The following CTNNA2 variants were observed in gnomAD, a reference collection of about 807,000 sequenced individuals.
CTNNA2 encodes the protein catenin alpha 2.
In CTNNA2, 42 loss-of-function variants were observed where a neutral mutation model predicts 101.0. The ratio of observed to expected loss-of-function variants is 0.42; its 90% CI spans 0.32 to 0.54. The LOEUF (loss-of-function observed/expected upper bound fraction) is 0.54. Ranked by LOEUF, CTNNA2 falls within the 20% of genes least tolerant of loss-of-function variation. The probability of loss-of-function intolerance (pLI) is 0.14; values close to 1 mark genes in which losing one functional copy is unlikely to be tolerated. For synonymous variants in CTNNA2, 450 were observed against 456.4 expected (o/e 0.99, Z 0.18); for missense variants, 871 against 1,223.1 (o/e 0.71, Z 4.29).
At chr2:79,688,804 TC>T (rs1684104229) in intron 2 of CTNNA2, among the ~76,000 whole-genome samples, 1 of 151,972 alleles carries the variant, frequency 6.6e-6, no homozygotes. Context: ...AAGAACAAGG[TC>T]CAGAAGGCAC....
intron 3 of CTNNA2, among the ~76,000 whole-genome samples, chr2:79,328,372 G>A (rs896991569): frequency 5.9e-5 from 9 of 152,114 alleles, no homozygotes; most frequent in Non-Finnish European, 1.2e-4. Flanking sequence ...GAAAGTTGAA[G>A]GCAGTAGAAT....
intron 7 of CTNNA2, among the ~76,000 whole-genome samples, chr2:80,343,716 G>A (rs1220497970): frequency 6.6e-6 from 1 of 152,122 alleles, no homozygotes. Flanking sequence ...ACCAATAAAA[G>A]GAATTACTAA....
At chr2:80,007,416 A>T (rs1042534186) in intron 7 of CTNNA2, among the ~76,000 whole-genome samples, 1 of 152,170 alleles carries the variant, frequency 6.6e-6, no homozygotes, top group African/African-American at 2.4e-5. Flanking sequence ...ATGAGTTTAC[A>T]TGCTTTACTT....
At chr2:79,802,956 T>C (rs2105305573) in intron 3 of CTNNA2, among the ~76,000 whole-genome samples, 1 of 152,330 alleles carries the variant, frequency 6.6e-6, no homozygotes, top group African/African-American at 2.4e-5. Context: ...TAAAACATTT[T>C]AAAAGGTTAA....
chr2:79,849,429 C>G (rs1447726505), intron 3 of CTNNA2, among the ~76,000 whole-genome samples: 1 of 151,828 alleles, frequency 6.6e-6, no homozygotes, highest in East Asian at 1.9e-4. Context: ...AAAGTGTCCA[C>G]AGGAGGTAGC....
chr2:79,505,488 A>G (rs1671392859), intron 5 of CTNNA2, among the ~76,000 whole-genome samples: 1 of 152,258 alleles, frequency 6.6e-6, no homozygotes, highest in East Asian at 1.9e-4. Context: ...GAAGTTAGTT[A>G]TTTTTCAGAA....
At chr2:80,539,543 T>C (rs1270354708) in intron 9 of CTNNA2, among the ~76,000 whole-genome samples, 2 of 152,192 alleles carry the variant, frequency 1.3e-5, no homozygotes, top group African/African-American at 4.8e-5. Context: ...TTAGCAGCAC[T>C]GGTCTCTTCT....
rs1673299045 is a variant in CTNNA2, at chr2:80,269,597, GTTAT to G, written c.1057-123613_1057-123610del. On this transcript the variant is annotated intron_variant, in intron 7 of 18. Transcript: ENST00000402739. ...TATATCATTCAGAAAAAAAAATGCT[GTTAT>G]ATGTTTCTATCAATCCCAAGCCCAG... 1.3e-5 allele frequency among the ~76,000 whole-genome samples: 2 copies of G among 151,904 alleles called. 1 individual carries two copies. Among genetic ancestry groups the G allele is most frequent in the South Asian group, 4.2e-4 (2 of 4,814 alleles).
intron 2 of CTNNA2, among the ~76,000 whole-genome samples, chr2:79,684,693 A>G (rs1457016631): frequency 4.6e-5 from 7 of 152,238 alleles, no homozygotes. Context: ...CATGTAGAAT[A>G]ATTGTTTTGG....
chr2:79,965,827 C>CAAAAAAAAAAAAAAAAAAAAAAAGAAAA, intron 7 of CTNNA2, among the ~76,000 whole-genome samples: 1 of 77,996 alleles, frequency 1.3e-5, no homozygotes, highest in Non-Finnish European at 2.4e-5. Context: ...GAGACTATGT[C>CAAAAAAAAAAAAAAAAAAAAAAAGAAAA]AAAAAAAAAA....
intron 18 of CTNNA2, among the ~76,000 whole-genome samples, chr2:80,643,139 G>C (rs572945075): frequency 6.6e-6 from 1 of 152,198 alleles, no homozygotes; most frequent in South Asian, 2.1e-4. Flanking sequence ...CTGTGGTTAG[G>C]GACAGCAGAT....
Position 79,917,119 on chromosome 2 carries a change from T to A in CTNNA2, c.1056+7322T>A, listed in dbSNP as rs541732585. On this transcript the variant is annotated intron_variant, in intron 7 of 18. Coordinates refer to ENST00000402739, the MANE Select transcript of CTNNA2 (RefSeq NM_001282597.3). ...ACGGAGTCTTGCTTTGTGGCCAGGC[T>A]GTAGTGGAGTGGTGCGATCTCGGCT... is the stretch of plus-strand genomic sequence containing the variant. Among the ~76,000 whole-genome samples the A allele has an allele frequency of 2.8e-4, 42 of 151,944 alleles. No individual in the cohort carries two copies. The East Asian group carries it at 5.3e-3, about 19-fold the overall frequency.
In CTNNA2 at chr2:79,552,609, G is replaced by A. The variant is rs557450014; in HGVS notation, c.-6+39402G>A. Among the ~76,000 whole-genome samples the A allele has an allele frequency of 6.6e-5, 10 of 152,242 alleles. No individual in the cohort carries two copies. The South Asian group carries it at 2.1e-3, about 32-fold the overall frequency. ...AGTAGACTTCTGCCTGGACATCCGG[G>A]CATTTCCATTCATCCTCTGAAATCT... On this transcript the variant is annotated intron_variant, in intron 1 of 18. Coordinates refer to ENST00000402739, the MANE Select transcript of CTNNA2 (RefSeq NM_001282597.3).
intron 2 of CTNNA2, among the ~76,000 whole-genome samples, chr2:79,682,835 G>C (rs1411719233): frequency 6.6e-6 from 1 of 152,078 alleles, no homozygotes; most frequent in African/African-American, 2.4e-5. Context: ...CTGTGGATTT[G>C]TGCCTAAGCC....
At chr2:79,580,512 A>G (rs1676086124) in intron 1 of CTNNA2, among the ~76,000 whole-genome samples, 2 of 152,202 alleles carry the variant, frequency 1.3e-5, no homozygotes, top group Admixed American at 6.5e-5. Flanking sequence ...GAAAAAAATG[A>G]AAGTGGTAAC....
At chr2:79,479,947 G>T (rs560044157) in intron 4 of CTNNA2, among the ~76,000 whole-genome samples, 1 of 152,134 alleles carries the variant, frequency 6.6e-6, no homozygotes, top group African/African-American at 2.4e-5. Flanking sequence ...GAATAACTGA[G>T]GCTGGATAAT....
intron 7 of CTNNA2, among the ~76,000 whole-genome samples, chr2:80,129,304 T>TA (rs967155541): frequency 6.6e-6 from 1 of 152,192 alleles, no homozygotes; most frequent in African/African-American, 2.4e-5. Context: ...AAGCAGGAAT[T>TA]ACCACTGTAG....
At chr2:80,540,146 A>G (rs922499805) in intron 9 of CTNNA2, among the ~76,000 whole-genome samples, 33 of 152,318 alleles carry the variant, frequency 2.2e-4, no homozygotes, top group African/African-American at 7.7e-4. Context: ...CCAGTCCACC[A>G]TTCCTTTCCT....
intron 12 of CTNNA2, among the ~76,000 whole-genome samples, chr2:80,563,959 T>A (rs1046528402): frequency 3.3e-5 from 5 of 152,206 alleles, no homozygotes; most frequent in Non-Finnish European, 5.9e-5. Context: ...ACTTTTTGCA[T>A]GTTTTTGTTA....
Sources: gnomAD v4.1 joint callset for allele counts (sites outside exome capture counted in the v4.1 genomes callset) on GRCh38, gnomAD v4.1.1 for gene constraint, MANE v1.5 for transcripts, NCBI Gene and HGNC (gene_info 2026-07-23, HGNC 2026-07-21) for gene names.